DGKH: variants seen among roughly 807,000 people sequenced by gnomAD.
The protein encoded by DGKH is DAG kinase eta.
Under a neutral mutation model 159.3 loss-of-function variants are expected in DGKH, and 90 were observed. The observed-to-expected ratio is 0.57, with a 90% CI of 0.48 to 0.67. The LOEUF (loss-of-function observed/expected upper bound fraction) is 0.67. Ranked by LOEUF, DGKH falls within the 30% of genes least tolerant of loss-of-function variation. The pLI, the probability that DGKH is intolerant of heterozygous loss-of-function variation, is 0.00. For missense variants in DGKH, 1,181 were observed against 1,506.1 expected (o/e 0.78, Z 3.57); for synonymous variants, 536 against 553.8 (o/e 0.97, Z 0.45).
intron 1 of DGKH, among the ~76,000 whole-genome samples, chr13:42,105,160 G>T (rs1381376526): frequency 1.3e-5 from 2 of 152,110 alleles, no homozygotes; most frequent in Non-Finnish European, 2.9e-5. Flanking sequence ...AGTTCCAGAG[G>T]CTGGGAAGTC....
chr13:42,069,255 A>G, intron 1 of DGKH: 1 of 1,077,578 alleles, frequency 9.3e-7, no homozygotes, highest in East Asian at 2.4e-5. Context: ...ATCCTTTCTT[A>G]CTTCACAAAA....
At chr13:42,088,125 T>A (rs1954343108) in intron 1 of DGKH, among the ~76,000 whole-genome samples, 1 of 152,116 alleles carries the variant, frequency 6.6e-6, no homozygotes, top group African/African-American at 2.4e-5. Flanking sequence ...CAGTTTTAAA[T>A]GGCTAAAAGA....
intron 26 of DGKH, among the ~76,000 whole-genome samples, chr13:42,216,029 G>A (rs1369701340): frequency 6.6e-6 from 1 of 152,204 alleles, no homozygotes; most frequent in Non-Finnish European, 1.5e-5. Flanking sequence ...CCCTGAATTA[G>A]CATTTGAATA....
chr13:42,142,308 A>G (rs911677506), intron 3 of DGKH, among the ~76,000 whole-genome samples: 2 of 152,038 alleles, frequency 1.3e-5, no homozygotes, highest in Non-Finnish European at 2.9e-5. Flanking sequence ...GCCTTGTAGT[A>G]TAGTTTGAAG....
chr13:42,112,097 AC>A (rs1221136889), intron 1 of DGKH, among the ~76,000 whole-genome samples: 1 of 152,346 alleles, frequency 6.6e-6, no homozygotes, highest in South Asian at 2.1e-4. Flanking sequence ...CAGAATCAGA[AC>A]ATGTGTGTGT....
At chr13:42,198,448 G>T in intron 17 of DGKH, 30 bp from the exon 18 acceptor site, 1 of 1,582,066 alleles carries the variant, frequency 6.3e-7, no homozygotes, top group South Asian at 1.1e-5. Flanking sequence ...CTTAACATGC[G>T]ATCCCATATG....
At chr13:42,211,043 GC>G (rs1957645525) in intron 24 of DGKH, among the ~76,000 whole-genome samples, 1 of 152,118 alleles carries the variant, frequency 6.6e-6, no homozygotes, top group Non-Finnish European at 1.5e-5. Context: ...AGAGTCAGGA[GC>G]AAAAAGAATA....
At chr13:42,067,471 C>G (rs1274012479) in intron 1 of DGKH, among the ~76,000 whole-genome samples, 1 of 152,104 alleles carries the variant, frequency 6.6e-6, no homozygotes, top group Non-Finnish European at 1.5e-5. Context: ...CCATTTTTCT[C>G]TCCTCACCAA....
In DGKH at chr13:42,151,533, A is replaced by ATATATATATACACGTG. The variant is rs758648265; in HGVS notation, c.385-3748_385-3747insCACGTGTATATATATA. ...TACACATGTATATATATACACGTGTATATATATATATACACGTGTATATAT... is the reference window on the plus strand; with the variant it reads ...TACACATGTATATATATACACGTGTATATATATATACACGTGTATATATATATACACGTGTATATAT... On this transcript the variant is annotated intron_variant, in intron 3 of 29. Coordinates refer to ENST00000337343, the MANE Select transcript of DGKH (RefSeq NM_178009.5). Among the ~76,000 whole-genome samples the ATATATATATACACGTG allele has an allele frequency of 2.1e-4, 9 of 43,654 alleles. 1 individual carries two copies. The highest frequency in any genetic ancestry group is 2.8e-3 in the East Asian group (1 of 354). 28.6% of individuals were successfully genotyped at this position (43,654 alleles called of 152,430 possible).
chr13:42,172,715 C>T (rs1237389692), intron 11 of DGKH, among the ~76,000 whole-genome samples: 1 of 152,172 alleles, frequency 6.6e-6, no homozygotes, highest in African/African-American at 2.4e-5. Flanking sequence ...CTGTTGTCAT[C>T]GAGGCTGGAG....
At chr13:42,170,171 T>C (rs887783108) in intron 11 of DGKH, among the ~76,000 whole-genome samples, 7 of 152,246 alleles carry the variant, frequency 4.6e-5, no homozygotes, top group African/African-American at 1.7e-4. Flanking sequence ...ATGCTGTCTT[T>C]GTTGCAAATG....
chr13:42,071,240 T>C (rs140465341), intron 1 of DGKH: 416 of 370,158 alleles, frequency 1.1e-3, no homozygotes, highest in Non-Finnish European at 1.6e-3. Context: ...TTGATGTTCA[T>C]TGCTTCTGCC....
intron 1 of DGKH, chr13:42,040,218 G>C (rs960790585): frequency 5.9e-5 from 9 of 152,342 alleles, no homozygotes; most frequent in Non-Finnish European, 1.0e-4. Context: ...AGGGAGGCGG[G>C]TGCGGGCTGC....
At chr13:42,149,966 G>A (rs1386984015) in intron 3 of DGKH, among the ~76,000 whole-genome samples, 5 of 152,160 alleles carry the variant, frequency 3.3e-5, no homozygotes, top group Non-Finnish European at 7.3e-5. Context: ...TGTGGCTTGC[G>A]TGTCAGTTTT....
At chr13:42,167,887 A>G (rs902822087) in intron 9 of DGKH, among the ~76,000 whole-genome samples, 4 of 152,170 alleles carry the variant, frequency 2.6e-5, no homozygotes, top group Non-Finnish European at 4.4e-5. Flanking sequence ...ACTTGAAGTA[A>G]GTGTACAAGG....
chr13:42,151,515 G>A (rs867384744), intron 3 of DGKH, among the ~76,000 whole-genome samples: 1 of 100,958 alleles, frequency 9.9e-6, no homozygotes, highest in Non-Finnish European at 1.9e-5. Flanking sequence ...GTATACACAT[G>A]TATATATATA....
intron 17 of DGKH, 45 bp from the exon 18 acceptor site, chr13:42,198,433 T>G: frequency 1.9e-6 from 3 of 1,564,462 alleles, no homozygotes; most frequent in South Asian, 2.3e-5. Flanking sequence ...CTTTCTGTGT[T>G]TTTTCTTAAC....
At chr13:42,156,589 C>G (rs1956053611) in intron 5 of DGKH, among the ~76,000 whole-genome samples, 1 of 152,076 alleles carries the variant, frequency 6.6e-6, no homozygotes, top group Non-Finnish European at 1.5e-5. Context: ...CAACAGAAAA[C>G]TCATAACTTC....
intron 13 of DGKH, chr13:42,181,736 T>A: frequency 1.3e-6 from 1 of 772,800 alleles, no homozygotes; most frequent in South Asian, 1.5e-5. Flanking sequence ...CCACGCCAGC[T>A]GCAGTGGTTG....
Sources: allele counts gnomAD v4.1 joint callset (sites outside exome capture counted in the v4.1 genomes callset), GRCh38; gene constraint gnomAD v4.1.1; transcripts MANE v1.5; gene names NCBI Gene and HGNC (gene_info 2026-07-23, HGNC 2026-07-21).